Variants in HDAC9 observed in about 807,000 individuals in gnomAD.
HDAC9 encodes histone deacetylase 9.
HDAC9 carries 41 observed loss-of-function variants against 139.4 expected under a neutral mutation model. That is an observed-to-expected ratio of 0.29 (90% CI 0.23 to 0.38). HDAC9 has a LOEUF of 0.38. Among genes scored for constraint, HDAC9 ranks in the 10% least tolerant of loss-of-function variants. HDAC9 has a pLI of 1.00. For missense variants in HDAC9, 1,147 were observed against 1,297.0 expected, an observed-to-expected ratio of 0.88 and a Z score of 1.78; for synonymous variants, 517 against 476.2, an observed-to-expected ratio of 1.09 and a Z score of -1.12.
At chr7:18,955,102 T>A (rs1238320527) in intron 24 of HDAC9, among the ~76,000 whole-genome samples, 13 of 152,282 alleles carry the variant, frequency 8.5e-5, no homozygotes, top group African/African-American at 3.1e-4. Context: ...ATTTATTGAC[T>A]ACATGTCATA....
chr7:18,106,459 C>CTT (rs1288928269), intron 1 of HDAC9, among the ~76,000 whole-genome samples: 2 of 146,478 alleles, frequency 1.4e-5, no homozygotes, highest in Non-Finnish European at 3.0e-5. Flanking sequence ...GCACACATTT[C>CTT]TTTTTTTTTT....
chr7:18,416,732 G>A (rs1397009823), intron 1 of HDAC9, among the ~76,000 whole-genome samples: 1 of 151,992 alleles, frequency 6.6e-6, no homozygotes. Context: ...TATAGAATTT[G>A]TAGTAATTAA....
intron 1 of HDAC9, among the ~76,000 whole-genome samples, chr7:18,151,296 G>T (rs1245034058): frequency 6.6e-6 from 1 of 152,136 alleles, no homozygotes; most frequent in East Asian, 1.9e-4. Flanking sequence ...TATATACTTA[G>T]TAATTGTTAC....
At chr7:18,924,459 T>C (rs1178345762) in intron 22 of HDAC9, among the ~76,000 whole-genome samples, 1 of 152,088 alleles carries the variant, frequency 6.6e-6, no homozygotes, top group Non-Finnish European at 1.5e-5. Flanking sequence ...TAAGAAGTCA[T>C]CAGTTTTGCC....
chr7:18,496,107 C>T, intron 1 of HDAC9, 84 bp downstream of exon 1: 1 of 1,400,060 alleles, frequency 7.1e-7, no homozygotes, highest in Non-Finnish European at 9.6e-7. Flanking sequence ...CGAAGTTGAT[C>T]CTCTGCTGCT....
intron 12 of HDAC9, among the ~76,000 whole-genome samples, chr7:18,669,800 A>G (rs1795553539): frequency 6.6e-6 from 1 of 151,848 alleles, no homozygotes; most frequent in Non-Finnish European, 1.5e-5. Flanking sequence ...AAAAATAGTT[A>G]TTGCCAAGTC....
At chr7:18,822,544 G>A (rs1401492425) in intron 17 of HDAC9, among the ~76,000 whole-genome samples, 1 of 152,130 alleles carries the variant, frequency 6.6e-6, no homozygotes, top group African/African-American at 2.4e-5. Context: ...TAGTAGAGAT[G>A]AGGTTTCACC....
intron 1 of HDAC9, among the ~76,000 whole-genome samples, chr7:18,388,092 C>G (rs1786107722): frequency 1.3e-5 from 2 of 152,082 alleles, no homozygotes; most frequent in South Asian, 4.1e-4. Flanking sequence ...CCCATCTTAT[C>G]CAGGAGAGAG....
At chr7:18,473,379 A>G (rs1794873960) in intron 1 of HDAC9, among the ~76,000 whole-genome samples, 1 of 152,198 alleles carries the variant, frequency 6.6e-6, no homozygotes, top group Non-Finnish European at 1.5e-5. Flanking sequence ...TATGAAACCC[A>G]GCCTTTCTAT....
intron 8 of HDAC9, among the ~76,000 whole-genome samples, chr7:18,638,736 G>A (rs1784656692): frequency 6.6e-6 from 1 of 152,064 alleles, no homozygotes; most frequent in African/African-American, 2.4e-5. Flanking sequence ...TCATGTGAGA[G>A]TGAGTCTCCA....
intron 1 of HDAC9, among the ~76,000 whole-genome samples, chr7:18,129,268 A>T (rs1210844377): frequency 6.6e-6 from 1 of 152,090 alleles, no homozygotes; most frequent in Non-Finnish European, 1.5e-5. Context: ...CTGATATACC[A>T]TGGAAATTAT....
At chr7:18,729,740 A>C (rs546096445) in intron 13 of HDAC9, among the ~76,000 whole-genome samples, 7 of 152,218 alleles carry the variant, frequency 4.6e-5, no homozygotes, top group Non-Finnish European at 1.0e-4. Context: ...CCAAAAACAA[A>C]TAGGAAAGTG....
Position 18,402,217 on chromosome 7 carries a change from C to T in HDAC9, c.-41-94045C>T, listed in dbSNP as rs137988105. ...TCTTGTAGTCTAACCAGAAGTAGGA[C>T]GGGTTAACAGATATATCAATATAAT... On this transcript the variant is annotated intron_variant, in intron 1 of 3. Coordinates refer to the HDAC9 transcript ENST00000413509. Among the ~76,000 whole-genome samples the T allele has an allele frequency of 3.0e-4, 45 of 152,086 alleles. 1 individual carries two copies. The highest frequency in any genetic ancestry group is 7.0e-4 in the African/African-American group (29 of 41,462).
intron 1 of HDAC9, among the ~76,000 whole-genome samples, chr7:18,382,132 T>C (rs1454296848): frequency 6.6e-6 from 1 of 152,084 alleles, no homozygotes; most frequent in African/African-American, 2.4e-5. Flanking sequence ...ATTTTTCCTT[T>C]AGGAAATATC....
intron 2 of HDAC9, among the ~76,000 whole-genome samples, chr7:18,223,220 A>C (rs1180994082): frequency 6.6e-6 from 1 of 152,102 alleles, no homozygotes; most frequent in African/African-American, 2.4e-5. Context: ...CTTTTAATAT[A>C]GCCTTTGATA....
intron 2 of HDAC9, among the ~76,000 whole-genome samples, chr7:18,515,800 G>C (rs1432872727): frequency 6.6e-6 from 1 of 152,190 alleles, no homozygotes; most frequent in African/African-American, 2.4e-5. Context: ...CATGGGATAA[G>C]TGAATGAATG....
rs572387065 is a variant in HDAC9 at position 18,191,025 on chromosome 7, T to G, written c.25+28676T>G. Among the ~76,000 whole-genome samples the G allele has an allele frequency of 5.3e-5, 8 of 152,298 alleles. No homozygotes were observed. In the South Asian group the frequency reaches 1.7e-3, roughly 32 times the overall value. The stretch of plus-strand genomic sequence containing the variant: ...CAGGGATCAAACTATAGTTGACTTT[T>G]GAACAACACAGGGATTAAGGGTGCT... On this transcript the variant is annotated intron_variant, in intron 2 of 12. Transcript: ENST00000417496.
intron 15 of HDAC9, among the ~76,000 whole-genome samples, chr7:18,763,999 A>G (rs1789610288): frequency 1.3e-5 from 2 of 152,168 alleles, no homozygotes; most frequent in African/African-American, 4.8e-5. Flanking sequence ...ATGAAGTTTA[A>G]ACTTTTGCAA....
intron 17 of HDAC9, among the ~76,000 whole-genome samples, chr7:18,814,467 A>G (rs1794418342): frequency 1.3e-5 from 2 of 152,254 alleles, no homozygotes; most frequent in South Asian, 4.1e-4. Flanking sequence ...TGCAAAAGAC[A>G]TTGTTTGGCT....
Sources: allele counts gnomAD v4.1 joint callset (sites outside exome capture counted in the v4.1 genomes callset), GRCh38; gene constraint gnomAD v4.1.1; transcripts MANE v1.5; gene names NCBI Gene and HGNC (gene_info 2026-07-23, HGNC 2026-07-21).